Variants in PDZRN4 observed in about 807,000 individuals in gnomAD.
PDZRN4 encodes the protein PDZ domain-containing RING finger protein 4.
A neutral mutation model predicts 99.0 loss-of-function variants in PDZRN4; 70 were observed. The ratio of observed to expected loss-of-function variants is 0.71; its 90% confidence interval spans 0.58 to 0.86. The LOEUF (loss-of-function observed/expected upper bound fraction) is 0.86, where lower values mean the gene tolerates loss of function less well. Among genes scored for constraint, PDZRN4 ranks in the 40% least tolerant of loss-of-function variants. The pLI is 0.00. For missense variants in PDZRN4, 1,474 were observed against 1,331.2 expected, an observed-to-expected ratio of 1.11 and a Z score of -1.67; for synonymous variants, 551 against 501.6, an observed-to-expected ratio of 1.10 and a Z score of -1.32.
intron 3 of PDZRN4, among the ~76,000 whole-genome samples, chr12:41,377,564 T>C (rs1952091411): frequency 6.6e-6 from 1 of 151,918 alleles, no homozygotes; most frequent in Non-Finnish European, 1.5e-5. Flanking sequence ...CTCGGGAGGC[T>C]GAAGCAGGAG....
chr12:41,327,976 A>G (rs1434288223), intron 3 of PDZRN4, among the ~76,000 whole-genome samples: 1 of 152,116 alleles, frequency 6.6e-6, no homozygotes, highest in Non-Finnish European at 1.5e-5. Flanking sequence ...TTATGCTGGG[A>G]CATGGCTGAT....
chr12:41,541,979 T>C (rs946684230), intron 5 of PDZRN4, among the ~76,000 whole-genome samples: 2 of 152,154 alleles, frequency 1.3e-5, no homozygotes, highest in African/African-American at 4.8e-5. Context: ...AAACAGTAGA[T>C]GGTATCTCTT....
At chr12:41,302,687 C>T (rs1442676177) in intron 3 of PDZRN4, among the ~76,000 whole-genome samples, 1 of 152,032 alleles carries the variant, frequency 6.6e-6, no homozygotes, top group Admixed American at 6.6e-5. Context: ...GTTAAAAATT[C>T]TTCATTTATT....
intron 3 of PDZRN4, among the ~76,000 whole-genome samples, chr12:41,500,145 AT>A (rs1269216476): frequency 6.6e-6 from 1 of 151,950 alleles, no homozygotes; most frequent in Non-Finnish European, 1.5e-5. Flanking sequence ...ATCCCACCCT[AT>A]TGTTGCTCTC....
At chr12:41,342,220 A>C (rs1476130934) in intron 3 of PDZRN4, among the ~76,000 whole-genome samples, 1 of 151,948 alleles carries the variant, frequency 6.6e-6, no homozygotes, top group Non-Finnish European at 1.5e-5. Flanking sequence ...TAAAGACTCA[A>C]ATATAAACTG....
Position 41,188,496 on chromosome 12 carries a change from C to A in PDZRN4, c.41C>A (p.Pro14Gln), listed in dbSNP as rs771972251. 1.3e-6 allele frequency: 2 copies of A among 1,590,722 alleles called. No homozygotes were observed. Among genetic ancestry groups the A allele is most frequent in the Non-Finnish European group, 1.7e-6 (2 of 1,176,344 alleles). ...GAGCGCTTCGCAGAAGCCGTGGACC[C>A]GGCTCTGGAGTGCAAACTGTGCGGC... ...ALERFAEAVD[P>Q]ALECKLCGQV... Residue 14 changes from proline (P) to glutamine (Q), a missense_variant, in exon 1 of 10, where the codon CCG becomes CAG. By Grantham distance (76) the Pro-to-Gln change is moderately conservative (BLOSUM62 -1). Transcript: ENST00000402685.
chr12:41,250,168 C>T (rs1416608663), intron 3 of PDZRN4, among the ~76,000 whole-genome samples: 1 of 152,152 alleles, frequency 6.6e-6, no homozygotes, highest in African/African-American at 2.4e-5. Context: ...ACTCCAGACT[C>T]TCAAAGTATT....
intron 3 of PDZRN4, among the ~76,000 whole-genome samples, chr12:41,503,784 T>C (rs949794859): frequency 1.3e-5 from 2 of 152,182 alleles, no homozygotes; most frequent in African/African-American, 4.8e-5. Context: ...ATTGAAACAC[T>C]TTGTGCATTA....
intron 3 of PDZRN4, chr12:41,437,794 G>T: frequency 6.4e-7 from 1 of 1,552,522 alleles, no homozygotes; most frequent in Non-Finnish European, 8.7e-7. Flanking sequence ...TCTGGCTTAC[G>T]CTTCCAGCTA....
At chr12:41,504,599 A>T (rs1297773433) in intron 3 of PDZRN4, among the ~76,000 whole-genome samples, 2 of 152,134 alleles carry the variant, frequency 1.3e-5, no homozygotes, top group Non-Finnish European at 2.9e-5. Flanking sequence ...TTCTTATATC[A>T]TCTGCTGTCT....
rs540901616 is a variant in PDZRN4 at position 41,500,942 on chromosome 12, G to A, written c.844-5514G>A. Among the ~76,000 whole-genome samples the A allele has an allele frequency of 7.2e-5, 11 of 152,236 alleles. No homozygotes were observed. In the South Asian group the frequency reaches 2.1e-3, roughly 29 times the overall value. ...AACACCTCCCTAATTATCAAATAGA[G>A]AATTGACTCTGCGTCACTTAGGGAC... On this transcript the variant is annotated intron_variant, in intron 3 of 9. Coordinates refer to ENST00000402685, the MANE Select transcript of PDZRN4 (RefSeq NM_001164595.2).
At chr12:41,283,694 G>C (rs1189881041) in intron 3 of PDZRN4, among the ~76,000 whole-genome samples, 1 of 151,916 alleles carries the variant, frequency 6.6e-6, no homozygotes, top group African/African-American at 2.4e-5. Context: ...GGGATGCAAG[G>C]CTGGTTCAAC....
chr12:41,539,103 A>G (rs1379141369), intron 5 of PDZRN4, among the ~76,000 whole-genome samples: 2 of 151,934 alleles, frequency 1.3e-5, no homozygotes, highest in African/African-American at 4.8e-5. Flanking sequence ...GTGTGTATAT[A>G]TATATATTAT....
At chr12:41,282,649 G>C (rs886246629) in intron 3 of PDZRN4, among the ~76,000 whole-genome samples, 2 of 152,100 alleles carry the variant, frequency 1.3e-5, no homozygotes. Flanking sequence ...AAATGCAAAA[G>C]AACGGAAATC....
At chr12:41,411,960 T>C (rs1032629597) in intron 3 of PDZRN4, 1 of 152,214 alleles carries the variant, frequency 6.6e-6, no homozygotes. Context: ...AAATCAGGTC[T>C]ACTCCGGTGT....
At chr12:41,279,343 C>T (rs1261571280) in intron 3 of PDZRN4, among the ~76,000 whole-genome samples, 1 of 152,128 alleles carries the variant, frequency 6.6e-6, no homozygotes, top group East Asian at 1.9e-4. Context: ...GTCATCTCAG[C>T]TTTGATTTTG....
chr12:41,287,720 T>C (rs1440244991), intron 3 of PDZRN4, among the ~76,000 whole-genome samples: 6 of 152,238 alleles, frequency 3.9e-5, no homozygotes, highest in African/African-American at 1.4e-4. Context: ...AAAAGAACTC[T>C]TCTTTCATAA....
At chr12:41,198,437 T>C (rs1950792591) in intron 3 of PDZRN4, among the ~76,000 whole-genome samples, 1 of 152,142 alleles carries the variant, frequency 6.6e-6, no homozygotes, top group Non-Finnish European at 1.5e-5. Flanking sequence ...CTGTGGAATC[T>C]TTGAGATGAA....
At chr12:41,486,630 G>A in intron 3 of PDZRN4, among the ~76,000 whole-genome samples, 1 of 152,122 alleles carries the variant, frequency 6.6e-6, no homozygotes, top group Middle Eastern at 3.4e-3. Flanking sequence ...TGGCAGAGAG[G>A]GAAGGAGGCA....
Sources: allele counts gnomAD v4.1 joint callset (sites outside exome capture counted in the v4.1 genomes callset), GRCh38; gene constraint gnomAD v4.1.1; transcripts MANE v1.5; gene names NCBI Gene and HGNC (gene_info 2026-07-23, HGNC 2026-07-21).